Variants in TMEM132D observed in about 807,000 individuals in gnomAD.
TMEM132D encodes transmembrane protein 132D, also known as mature OL transmembrane protein.
A neutral mutation model predicts 62.3 loss-of-function variants in TMEM132D; 21 were observed. The observed-to-expected ratio is 0.34, with a 90% CI of 0.24 to 0.49. TMEM132D has a LOEUF of 0.49. TMEM132D is among the 20% of genes least tolerant of loss of function. The pLI, the probability that TMEM132D is intolerant of heterozygous loss-of-function variation, is 0.99. For synonymous variants in TMEM132D, 621 were observed against 575.6 expected, an observed-to-expected ratio of 1.08 and a Z score of -1.13; for missense variants, 1,346 against 1,402.8, an observed-to-expected ratio of 0.96 and a Z score of 0.65.
intron 3 of TMEM132D, among the ~76,000 whole-genome samples, chr12:129,410,019 A>G (rs2030436): frequency 0.12 from 18,549 of 152,216 alleles, 1,610 homozygotes; most frequent in East Asian, 0.38. Flanking sequence ...CTCTAAAGAG[A>G]AACATGGATT....
intron 1 of TMEM132D, among the ~76,000 whole-genome samples, chr12:129,719,096 A>AAAAAAAG (rs1555227254): frequency 1.4e-5 from 2 of 144,440 alleles, no homozygotes; most frequent in Non-Finnish European, 3.0e-5. Context: ...AAAAAAAAAA[A>AAAAAAAG]AAAGAAAAAA....
chr12:129,654,199 T>C (rs1051990109), intron 2 of TMEM132D, among the ~76,000 whole-genome samples: 10 of 152,186 alleles, frequency 6.6e-5, no homozygotes, highest in African/African-American at 2.4e-4. Context: ...CTGGGAGCTC[T>C]TTCCCTTGGC....
At chr12:129,733,412 T>C (rs1017117129) in intron 1 of TMEM132D, among the ~76,000 whole-genome samples, 1 of 152,168 alleles carries the variant, frequency 6.6e-6, no homozygotes, top group Admixed American at 6.5e-5. Flanking sequence ...TCCTGATCTA[T>C]GGCCAAAATC....
intron 1 of TMEM132D, among the ~76,000 whole-genome samples, chr12:129,730,505 G>A (rs1869195869): frequency 6.6e-6 from 1 of 152,098 alleles, no homozygotes; most frequent in Non-Finnish European, 1.5e-5. Flanking sequence ...ATCACAACTT[G>A]GCTTCCTGCT....
intron 3 of TMEM132D, among the ~76,000 whole-genome samples, chr12:129,455,571 G>A (rs1873438434): frequency 6.6e-6 from 1 of 152,194 alleles, no homozygotes; most frequent in African/African-American, 2.4e-5. Context: ...AAGGAGCTGG[G>A]GAAGGCTTCT....
At chr12:129,660,634 T>A (rs559991969) in intron 2 of TMEM132D, among the ~76,000 whole-genome samples, 1 of 152,146 alleles carries the variant, frequency 6.6e-6, no homozygotes, top group African/African-American at 2.4e-5. Flanking sequence ...GAAGCCTGCA[T>A]GTAAAAAACG....
intron 1 of TMEM132D, among the ~76,000 whole-genome samples, chr12:129,810,348 C>T (rs1565994011): frequency 6.6e-6 from 1 of 151,436 alleles, no homozygotes; most frequent in Non-Finnish European, 1.5e-5. Flanking sequence ...ATAGTTTTTC[C>T]TTATTTTAAA....
In TMEM132D at chr12:129,196,881, A is replaced by G. The variant is rs115266709; in HGVS notation, c.1443+12639T>C. Among the ~76,000 whole-genome samples the G allele has an allele frequency of 5.7e-3, 861 of 152,342 alleles. 8 individuals carry two copies. The highest frequency in any genetic ancestry group is 0.02 in the African/African-American group (813 of 41,586). On this transcript the variant is annotated intron_variant, in intron 5 of 8. Transcript: ENST00000422113. ...GTAGGGAGAGATTAATGCCTAATCC[A>G]ATGGCATGAAGTCTTGTTGGAAGAA...
At chr12:129,778,483 G>A (rs188224046) in intron 1 of TMEM132D, among the ~76,000 whole-genome samples, 24 of 152,186 alleles carry the variant, frequency 1.6e-4, no homozygotes, top group Non-Finnish European at 2.4e-4. Context: ...TGTGACTCCC[G>A]AAAGACACGT....
chr12:129,793,372 T>C (rs1385040551), intron 1 of TMEM132D, among the ~76,000 whole-genome samples: 1 of 152,090 alleles, frequency 6.6e-6, no homozygotes, highest in Non-Finnish European at 1.5e-5. Context: ...AGGCTAGGAA[T>C]TTTTACTATT....
At chr12:129,230,738 G>T (rs1879615569) in intron 4 of TMEM132D, among the ~76,000 whole-genome samples, 3 of 152,160 alleles carry the variant, frequency 2.0e-5, no homozygotes, top group Non-Finnish European at 2.9e-5. Flanking sequence ...GTCTCCACTG[G>T]GTGTCTCAGA....
chr12:129,596,043 AG>A (rs1878327091), intron 2 of TMEM132D, among the ~76,000 whole-genome samples: 2 of 152,262 alleles, frequency 1.3e-5, no homozygotes, highest in African/African-American at 4.8e-5. Flanking sequence ...TTTGAAGAAT[AG>A]GCAGCCAGTA....
At chr12:129,435,689 T>C (rs752122619) in intron 3 of TMEM132D, among the ~76,000 whole-genome samples, 2 of 152,190 alleles carry the variant, frequency 1.3e-5, no homozygotes, top group Non-Finnish European at 2.9e-5. Context: ...CCCTGAAGAT[T>C]CTCCATGCTT....
intron 2 of TMEM132D, among the ~76,000 whole-genome samples, chr12:129,598,619 C>T (rs1217262958): frequency 6.6e-6 from 1 of 151,964 alleles, no homozygotes; most frequent in Admixed American, 6.6e-5. Context: ...AAATAAAAGC[C>T]AAAGAAATAC....
intron 3 of TMEM132D, among the ~76,000 whole-genome samples, chr12:129,398,846 C>G: frequency 7.8e-6 from 1 of 128,544 alleles, no homozygotes; most frequent in East Asian, 2.1e-4. Flanking sequence ...ATCCATCCAT[C>G]CATCCATCCA....
At chr12:129,094,309 T>C (rs191956517) in intron 5 of TMEM132D, among the ~76,000 whole-genome samples, 2 of 152,170 alleles carry the variant, frequency 1.3e-5, no homozygotes, top group Non-Finnish European at 2.9e-5. Flanking sequence ...ATCCAGAATC[T>C]ACAATGAACT....
chr12:129,641,665 G>A (rs1315978876), intron 2 of TMEM132D, among the ~76,000 whole-genome samples: 3 of 152,164 alleles, frequency 2.0e-5, no homozygotes, highest in East Asian at 1.9e-4. Context: ...TCTGTTCAGT[G>A]CATCTGCTCT....
At chr12:129,289,224 G>T (rs1336436982) in intron 4 of TMEM132D, among the ~76,000 whole-genome samples, 1 of 152,156 alleles carries the variant, frequency 6.6e-6, no homozygotes, top group Non-Finnish European at 1.5e-5. Flanking sequence ...GTGTACTTGA[G>T]ATTTTGTTAA....
intron 3 of TMEM132D, among the ~76,000 whole-genome samples, chr12:129,416,341 G>T (rs987510983): frequency 6.6e-6 from 1 of 152,176 alleles, no homozygotes; most frequent in Non-Finnish European, 1.5e-5. Flanking sequence ...GTTCACTCAT[G>T]ATTTGGCTCT....
Sources: allele counts gnomAD v4.1 joint callset (sites outside exome capture counted in the v4.1 genomes callset), GRCh38; gene constraint gnomAD v4.1.1; transcripts MANE v1.5; gene names NCBI Gene and HGNC (gene_info 2026-07-23, HGNC 2026-07-21).